The following EXOC6B variants were observed in gnomAD, a reference collection of about 807,000 sequenced individuals.
The protein encoded by EXOC6B is SEC15 homolog B.
EXOC6B carries 54 observed loss-of-function variants against 113.5 expected under a neutral mutation model. That is an observed-to-expected ratio of 0.48 (90% CI 0.38 to 0.60). The LOEUF (loss-of-function observed/expected upper bound fraction) is 0.60. Among genes scored for constraint, EXOC6B ranks in the 20% least tolerant of loss-of-function variants. The pLI is 0.00. For synonymous variants in EXOC6B, 357 were observed against 339.0 expected (o/e 1.05, Z -0.58); for missense variants, 797 against 977.5 (o/e 0.82, Z 2.46).
At chr2:72,390,866 G>C (rs971459324) in intron 18 of EXOC6B, among the ~76,000 whole-genome samples, 1 of 152,272 alleles carries the variant, frequency 6.6e-6, no homozygotes, top group East Asian at 1.9e-4. Context: ...TTGTTTGATT[G>C]TTTGTCTGAC....
chr2:72,428,905 A>G lies in EXOC6B; in HGVS notation c.1980+36255T>C, dbSNP rs890159099. On this transcript the variant is annotated intron_variant, in intron 18 of 21. Transcript: ENST00000272427. ...CAGCTCAATCAGTCATCTTTCTTAG[A>G]ACTCCTAGAATTTCAGTTTTCACAT... Among the ~76,000 whole-genome samples the G allele has an allele frequency of 2.0e-5, 3 of 152,180 alleles. No homozygotes were observed. In the East Asian group the frequency reaches 5.8e-4, roughly 29 times the overall value.
At chr2:72,737,439 C>T (rs1002672356) in intron 2 of EXOC6B, among the ~76,000 whole-genome samples, 1 of 152,112 alleles carries the variant, frequency 6.6e-6, no homozygotes. Flanking sequence ...GTATCACCTA[C>T]TTATGAGAAA....
intron 20 of EXOC6B, among the ~76,000 whole-genome samples, chr2:72,209,223 C>CAAAAAAA (rs1170760516): frequency 3.0e-4 from 17 of 57,070 alleles, no homozygotes; most frequent in Non-Finnish European, 4.6e-4. Context: ...AACTCAGTCT[C>CAAAAAAA]AAAAAAAAAA....
At chr2:72,264,021 C>T (rs991344536) in intron 20 of EXOC6B, among the ~76,000 whole-genome samples, 9 of 152,156 alleles carry the variant, frequency 5.9e-5, no homozygotes, top group Non-Finnish European at 1.5e-5. Context: ...TGGCATAGGA[C>T]ATTTTACTTC....
At chr2:72,407,486 A>G (rs537251088) in intron 18 of EXOC6B, among the ~76,000 whole-genome samples, 8 of 152,326 alleles carry the variant, frequency 5.3e-5, no homozygotes, top group African/African-American at 1.9e-4. Context: ...GGCAAACTGA[A>G]TCCAGCAGCA....
At chr2:72,596,706 C>T (rs1270965561) in intron 6 of EXOC6B, among the ~76,000 whole-genome samples, 1 of 151,858 alleles carries the variant, frequency 6.6e-6, no homozygotes, top group East Asian at 1.9e-4. Context: ...AGCTTCCTAC[C>T]TCCAACCCCA....
chr2:72,514,597 AAT>A lies in EXOC6B; in HGVS notation c.1046+35_1046+36del, dbSNP rs756130988. 6 of 207,116 alleles carry A rather than the reference AAT, an allele frequency of 2.9e-5. No homozygotes were observed. In the South Asian group the frequency reaches 4.0e-4, roughly 14 times the overall value. 12.8% of individuals were successfully genotyped at this position (207,116 alleles called of 1,614,324 possible). A position where few individuals can be genotyped will look rare whatever the true frequency, so the allele number is the denominator to read the frequency against. ...ATTTCAATAAATAAATAAATAAATA[AAT>A]AAATAAATATATATATATATATATA... On this transcript the variant is annotated intron_variant, in intron 10 of 21. Transcript: ENST00000272427.
At chr2:72,568,270 C>T (rs1269012456) in intron 7 of EXOC6B, among the ~76,000 whole-genome samples, 1 of 151,630 alleles carries the variant, frequency 6.6e-6, no homozygotes, top group African/African-American at 2.4e-5. Context: ...CTTGATGTGG[C>T]TGCAAGGAAA....
chr2:72,232,825 C>G (rs1681713242), intron 20 of EXOC6B, among the ~76,000 whole-genome samples: 1 of 152,038 alleles, frequency 6.6e-6, no homozygotes, highest in Non-Finnish European at 1.5e-5. Flanking sequence ...ATAATCCTAG[C>G]CTTTGGCAGG....
chr2:72,427,108 G>A (rs1695240247), intron 18 of EXOC6B, among the ~76,000 whole-genome samples: 1 of 152,242 alleles, frequency 6.6e-6, no homozygotes, highest in African/African-American at 2.4e-5. Context: ...ATGCTTCACA[G>A]AGCCCGCAGC....
chr2:72,292,253 G>A (rs1028309306), intron 20 of EXOC6B, among the ~76,000 whole-genome samples: 1 of 147,688 alleles, frequency 6.8e-6, no homozygotes, highest in Admixed American at 6.8e-5. Flanking sequence ...GATCTACCAG[G>A]TTTGATAACT....
intron 20 of EXOC6B, among the ~76,000 whole-genome samples, chr2:72,197,939 A>C (rs996905078): frequency 6.6e-6 from 1 of 152,182 alleles, no homozygotes; most frequent in African/African-American, 2.4e-5. Flanking sequence ...ATCAGTCTGA[A>C]ACTTTTGTAT....
chr2:72,502,632 TCTAA>T lies in EXOC6B; in HGVS notation c.1168-2664_1168-2661del, dbSNP rs574530145. On this transcript the variant is annotated intron_variant, in intron 11 of 21. Transcript: ENST00000272427. Reference sequence around the variant, plus strand: ...ATTTAAAAATGCCTTTATTTTGCCCTCTAACTAAAATACAAAATTTCCAATATAA... The same window carrying T: ...ATTTAAAAATGCCTTTATTTTGCCCTCTAAAATACAAAATTTCCAATATAA... Among the ~76,000 whole-genome samples, 27 of 152,318 alleles carry T rather than the reference TCTAA, an allele frequency of 1.8e-4. No homozygotes were observed. In the East Asian group the frequency reaches 4.2e-3, roughly 24 times the overall value.
intron 21 of EXOC6B, among the ~76,000 whole-genome samples, chr2:72,179,779 C>T (rs2104192288): frequency 6.6e-6 from 1 of 152,264 alleles, no homozygotes; most frequent in Non-Finnish European, 1.5e-5. Flanking sequence ...CTGTAGGTGT[C>T]TGGGACAGGG....
At chr2:72,702,298 C>T (rs868073978) in intron 6 of EXOC6B, among the ~76,000 whole-genome samples, 4 of 148,468 alleles carry the variant, frequency 2.7e-5, no homozygotes, top group Non-Finnish European at 4.5e-5. Context: ...ATATGTGCCA[C>T]ATTTTCTTAA....
chr2:72,388,914 G>C (rs1692212861), intron 18 of EXOC6B, among the ~76,000 whole-genome samples: 1 of 152,024 alleles, frequency 6.6e-6, no homozygotes. Context: ...CTTATTCCTT[G>C]CTATTACTTC....
At chr2:72,377,079 G>GC (rs539487758) in intron 19 of EXOC6B, among the ~76,000 whole-genome samples, 2 of 152,104 alleles carry the variant, frequency 1.3e-5, no homozygotes, top group Admixed American at 6.6e-5. Flanking sequence ...TATGCATATG[G>GC]CCAACAGGAA....
At chr2:72,749,459 G>A (rs962077463) in intron 1 of EXOC6B, among the ~76,000 whole-genome samples, 3 of 151,882 alleles carry the variant, frequency 2.0e-5, no homozygotes, top group Non-Finnish European at 2.9e-5. Flanking sequence ...CAGTAGCAGG[G>A]TGGTGCAAAA....
chr2:72,264,427 C>G (rs1683924388), intron 20 of EXOC6B, among the ~76,000 whole-genome samples: 1 of 152,030 alleles, frequency 6.6e-6, no homozygotes, highest in Admixed American at 6.6e-5. Flanking sequence ...AAAAATTAGC[C>G]AGGCGTGATG....
Sources: allele counts gnomAD v4.1 joint callset (sites outside exome capture counted in the v4.1 genomes callset), GRCh38; gene constraint gnomAD v4.1.1; transcripts MANE v1.5; gene names NCBI Gene and HGNC (gene_info 2026-07-23, HGNC 2026-07-21).